Variants in ADGRF4 observed in about 807,000 individuals in gnomAD.
The protein encoded by ADGRF4 is adhesion G protein-coupled receptor F4.
In ADGRF4, 63 loss-of-function variants were observed where a neutral mutation model predicts 58.5. The observed-to-expected ratio is 1.08, with a 90% confidence interval of 0.88 to 1.33. The LOEUF is 1.33. Among genes scored for constraint, ADGRF4 ranks in the 40% most tolerant of loss-of-function variants. The pLI is 0.00. For synonymous variants in ADGRF4, 313 were observed against 295.4 expected, an observed-to-expected ratio of 1.06 and a Z score of -0.61; for missense variants, 931 against 843.9, an observed-to-expected ratio of 1.10 and a Z score of -1.28.
At chr6:47,711,301 C>T (rs1360466924) in intron 4 of ADGRF4, among the ~76,000 whole-genome samples, 1 of 152,044 alleles carries the variant, frequency 6.6e-6, no homozygotes, top group Non-Finnish European at 1.5e-5. Context: ...TCTTGCTCTG[C>T]CTCCAGGCTG....
chr6:47,710,163 A>C (rs1309201477), intron 3 of ADGRF4, among the ~76,000 whole-genome samples: 1 of 152,214 alleles, frequency 6.6e-6, no homozygotes, highest in Non-Finnish European at 1.5e-5. Context: ...CCCTAACCTT[A>C]TATTACCCTA....
rs574873610 is a variant in ADGRF4 at position 47,712,594 on chromosome 6, C to G, written c.538C>G (p.Arg180Gly). 1 of 1,573,380 alleles carries G rather than the reference C, an allele frequency of 6.4e-7. No homozygotes were observed. Residue 180 changes from arginine (R) to glycine (G), a missense_variant, in exon 5 of 10, where the codon CGA becomes GGA. Arg to Gly is a moderately radical substitution (Grantham distance 125). Transcript: ENST00000283303. ...TACAGACTTGTCTGATAATGTTACT[C>G]GAGAGAAAATGAAGGTATTCTTTGT... ...ISTDLSDNVT[R>G]EKMKSYSEVA...
intron 4 of ADGRF4, 60 bp downstream of exon 4, chr6:47,710,946 T>C (rs942949613): frequency 2.1e-6 from 3 of 1,463,062 alleles, no homozygotes; most frequent in Non-Finnish European, 2.8e-6. Context: ...AGTAGACACA[T>C]TTTTAATGTG....
chr6:47,707,200 A>T (rs1207925230), intron 1 of ADGRF4, 30 bp from the exon 2 acceptor site: 2 of 1,211,874 alleles, frequency 1.7e-6, no homozygotes, highest in Non-Finnish European at 2.5e-6. Context: ...TGTCACCTTC[A>T]GGTGGGTATG....
chr6:47,703,596 A>G (rs1008871690), intron 1 of ADGRF4, among the ~76,000 whole-genome samples: 1 of 152,234 alleles, frequency 6.6e-6, no homozygotes, highest in Admixed American at 6.5e-5. Flanking sequence ...ACCATCCCAA[A>G]TGGTATATAG....
Position 47,707,236 on chromosome 6 carries a change from A to G in ADGRF4, c.-10A>G. ...CCTTCTTTCTCTATTGCAGGTGAAGATCCTCATGTATGAAAATGAAGTCCC... is the reference window on the plus strand; with the variant it reads ...CCTTCTTTCTCTATTGCAGGTGAAGGTCCTCATGTATGAAAATGAAGTCCC... On this transcript the variant is annotated 5_prime_UTR_variant, in exon 2 of 10. Transcript: ENST00000283303. 1 of 1,580,482 alleles carries G rather than the reference A, an allele frequency of 6.3e-7. No homozygotes were observed. Among genetic ancestry groups the G allele is most frequent in the Non-Finnish European group, 8.7e-7 (1 of 1,149,428 alleles).
intron 3 of ADGRF4, among the ~76,000 whole-genome samples, chr6:47,708,554 A>G (rs932023888): frequency 6.6e-6 from 1 of 152,230 alleles, no homozygotes; most frequent in African/African-American, 2.4e-5. Context: ...GTTCAAAGTA[A>G]TGAGTTAACA....
chr6:47,714,739 C>T lies in ADGRF4; in HGVS notation c.1494C>T (p.Ile498=). The T allele has an allele frequency of 6.2e-7, 1 of 1,613,992 alleles. No individual in the cohort carries two copies. Residue 498 remains isoleucine, a synonymous_variant, in exon 6 of 10, where the codon ATC becomes ATT. Coordinates refer to ENST00000283303, the MANE Select transcript of ADGRF4 (RefSeq NM_153838.5). Reference sequence around the variant, plus strand: ...GGATGCTCTTCAAAGCATTGCTCATCATTTATGGAATATTGGTCATTTTCC... The same window carrying T: ...GGATGCTCTTCAAAGCATTGCTCATTATTTATGGAATATTGGTCATTTTCC... The part of the protein sequence containing the change: ...FFWMLFKALL[I]IYGILVIFRR...
At chr6:47,710,081 A>G (rs1021191434) in intron 3 of ADGRF4, among the ~76,000 whole-genome samples, 1 of 152,234 alleles carries the variant, frequency 6.6e-6, no homozygotes, top group Non-Finnish European at 1.5e-5. Context: ...GTATCTTTAT[A>G]TAGAAACACA....
intron 9 of ADGRF4, 33 bp downstream of exon 9, chr6:47,718,478 T>C: frequency 7.9e-7 from 1 of 1,268,112 alleles, no homozygotes; most frequent in Non-Finnish European, 1.2e-6. Context: ...GAAATTTCAC[T>C]TGCAATTTGT....
At chr6:47,717,035 C>T (rs1772037612) in intron 7 of ADGRF4, among the ~76,000 whole-genome samples, 188 bp downstream of exon 7, 1 of 152,028 alleles carries the variant, frequency 6.6e-6, no homozygotes. Flanking sequence ...TTTATCAAGT[C>T]AACAGGAGGC....
chr6:47,710,661 T>C, intron 3 of ADGRF4, 74 bp from the exon 4 acceptor site: 2 of 1,457,466 alleles, frequency 1.4e-6, no homozygotes, highest in Non-Finnish European at 9.2e-7. Flanking sequence ...CAGAATGAAT[T>C]TGATGCACCT....
rs751063666 is a variant in ADGRF4, at chr6:47,713,994, A to G, written c.749A>G (p.Asn250Ser). ...ACAAAAGGGTTTCACATCAACCATA[A>G]TACCTCAGAGAAAAGCCTCAATTTC... ...IQTKGFHINH[N>S]TSEKSLNFSM... is the part of the protein sequence containing the mutation. The change falls in exon 6 of 10, where the codon AAT becomes AGT. Residue 250 changes from asparagine (N) to serine (S), a missense_variant. Coordinates refer to ENST00000283303, the MANE Select transcript of ADGRF4 (RefSeq NM_153838.5). 1 of 1,605,832 alleles carries G rather than the reference A, an allele frequency of 6.2e-7. No individual in the cohort carries two copies. The highest frequency in any genetic ancestry group is 8.5e-7 in the Non-Finnish European group (1 of 1,175,798).
At chr6:47,712,214 C>T (rs565424860) in intron 4 of ADGRF4, 143 bp from the exon 5 acceptor site, 223 of 693,116 alleles carry the variant, frequency 3.2e-4, no homozygotes, top group Non-Finnish European at 4.9e-4. Context: ...ATCGTCTCCA[C>T]CCCCCTCTGC....
In ADGRF4 at chr6:47,714,645, C is replaced by T. The variant is rs897059555; in HGVS notation, c.1400C>T (p.Ala467Val). The T allele has an allele frequency of 1.2e-6, 2 of 1,614,158 alleles. No individual in the cohort carries two copies. Among genetic ancestry groups the T allele is most frequent in the South Asian group, 1.1e-5 (1 of 91,072 alleles). Reference protein sequence around the residue: ...FIIGSHFNIKAQDYNMCVAVT... With the variant: ...FIIGSHFNIKVQDYNMCVAVT... ...ATAGGCTCTCACTTTAACATTAAGGCCCAGGACTACAACATGTGTGTTGCA... is the reference window on the plus strand; with the variant it reads ...ATAGGCTCTCACTTTAACATTAAGGTCCAGGACTACAACATGTGTGTTGCA... The change falls in exon 6 of 10, where the codon GCC becomes GTC. Residue 467 changes from alanine (A) to valine (V), a missense_variant. Physicochemically the swap from Ala to Val is moderately conservative, Grantham distance 64 (BLOSUM62 0). Transcript: ENST00000283303.
At chr6:47,719,081 T>C (rs1367616428) in intron 9 of ADGRF4, among the ~76,000 whole-genome samples, 1 of 152,184 alleles carries the variant, frequency 6.6e-6, no homozygotes, top group African/African-American at 2.4e-5. Context: ...TAGAAGAGTT[T>C]CAGACTTTCA....
rs1199992715 is a variant in ADGRF4 at position 47,714,821 on chromosome 6, C to T, written c.1576C>T (p.Pro526Ser). The change falls in exon 6 of 10, where the codon CCA (proline) becomes TCA (serine). Residue 526 changes from proline (P) to serine (S), a missense_variant. Physicochemically the swap from Pro to Ser is moderately conservative, Grantham distance 74. Transcript: ENST00000283303. ...TGGCTTTGCCATTGGCTATGGGTGCCCATTGATCATTGCTGTCACTACAGT... is the reference window on the plus strand; with the variant it reads ...TGGCTTTGCCATTGGCTATGGGTGCTCATTGATCATTGCTGTCACTACAGT... ...VIGFAIGYGC[P>S]LIIAVTTVAI... is the part of the protein sequence containing the mutation. 1 of 1,613,020 alleles carries T rather than the reference C, an allele frequency of 6.2e-7. No homozygotes were observed. Among genetic ancestry groups the T allele is most frequent in the East Asian group, 2.2e-5 (1 of 44,846 alleles).
In ADGRF4 at chr6:47,718,103, T is replaced by C. The variant is rs1037984801; in HGVS notation, c.2035-286T>C. Among the ~76,000 whole-genome samples, 5 of 152,392 alleles carry C rather than the reference T, an allele frequency of 3.3e-5. No homozygotes were observed. In the East Asian group the frequency reaches 9.6e-4, roughly 29 times the overall value. Reference sequence around the variant, plus strand: ...TTTATCTATTCTAAGATAGGCATTTTCTTCGTCTTTTAACGTTTCTGAAAT... The same window carrying C: ...TTTATCTATTCTAAGATAGGCATTTCCTTCGTCTTTTAACGTTTCTGAAAT... On this transcript the variant is annotated intron_variant, in intron 8 of 9. Transcript: ENST00000283303.
chr6:47,706,983 G>T (rs6938029), intron 1 of ADGRF4, among the ~76,000 whole-genome samples: 2 of 152,052 alleles, frequency 1.3e-5, no homozygotes, highest in Non-Finnish European at 2.9e-5. Context: ...AACTACATCC[G>T]TTCTGGTTCT....
Sources: gnomAD v4.1 joint callset for allele counts (sites outside exome capture counted in the v4.1 genomes callset) on GRCh38, gnomAD v4.1.1 for gene constraint, MANE v1.5 for transcripts, NCBI Gene and HGNC (gene_info 2026-07-23, HGNC 2026-07-21) for gene names.